CYRIB: variants seen among roughly 807,000 people sequenced by gnomAD.
CYRIB encodes CYFIP-related Rac1 interactor B.
A neutral mutation model predicts 44.2 loss-of-function variants in CYRIB; 8 were observed. That is an observed-to-expected ratio of 0.18 (90% CI 0.11 to 0.33). The LOEUF (loss-of-function observed/expected upper bound fraction) is 0.33, where lower values mean the gene tolerates loss of function less well. Ranked by LOEUF, CYRIB falls within the 10% of genes least tolerant of loss-of-function variation. The pLI is 1.00. For missense variants in CYRIB, 185 were observed against 382.8 expected (o/e 0.48, Z 4.31); for synonymous variants, 131 against 127.2 (o/e 1.03, Z -0.20).
chr8:129,977,683 C>T (rs915277157), intron 1 of CYRIB, among the ~76,000 whole-genome samples: 4 of 152,116 alleles, frequency 2.6e-5, no homozygotes, highest in Non-Finnish European at 4.4e-5. Flanking sequence ...AGGCGCCCGC[C>T]ACCACGCCCG....
chr8:129,932,617 C>A (rs995468657), intron 1 of CYRIB, among the ~76,000 whole-genome samples: 17 of 152,166 alleles, frequency 1.1e-4, no homozygotes, highest in Non-Finnish European at 4.4e-5. Context: ...ATCTTTAACA[C>A]AGGAGTTTCA....
intron 2 of CYRIB, among the ~76,000 whole-genome samples, chr8:129,886,611 T>C (rs1021508599): frequency 6.6e-6 from 1 of 152,126 alleles, no homozygotes. Context: ...CCCACTGCAA[T>C]GTGGCTTTTA....
At chr8:129,999,150 G>C (rs1055096263) in intron 1 of CYRIB, among the ~76,000 whole-genome samples, 9 of 152,124 alleles carry the variant, frequency 5.9e-5, no homozygotes, top group African/African-American at 2.2e-4. Flanking sequence ...GACGCAGGAG[G>C]GGCAGAGGAG....
intron 1 of CYRIB, among the ~76,000 whole-genome samples, chr8:129,993,273 A>C (rs893340307): frequency 1.3e-5 from 2 of 152,076 alleles, no homozygotes; most frequent in African/African-American, 4.8e-5. Flanking sequence ...CGTGCCTGTA[A>C]TCCCAGCTAC....
intron 4 of CYRIB, among the ~76,000 whole-genome samples, chr8:129,867,769 T>C (rs10956502): frequency 6.6e-6 from 1 of 152,122 alleles, no homozygotes; most frequent in Non-Finnish European, 1.5e-5. Context: ...TTTGCTACTA[T>C]GAATAAGGCG....
chr8:129,878,699 A>C (rs1189112874), intron 3 of CYRIB, among the ~76,000 whole-genome samples: 1 of 152,224 alleles, frequency 6.6e-6, no homozygotes, highest in East Asian at 1.9e-4. Flanking sequence ...ACATGCACCA[A>C]GGTCAATGAC....
chr8:129,868,961 G>C (rs1326979821), intron 4 of CYRIB, among the ~76,000 whole-genome samples: 7 of 149,138 alleles, frequency 4.7e-5, no homozygotes, highest in African/African-American at 7.4e-5. Context: ...ACTTTGGGAG[G>C]CTGAGGCGGG....
chr8:130,009,050 A>T (rs2097165444), intron 1 of CYRIB, among the ~76,000 whole-genome samples: 1 of 152,202 alleles, frequency 6.6e-6, no homozygotes, highest in Non-Finnish European at 1.5e-5. Context: ...TTCTGACCTA[A>T]GAGCCACAAC....
chr8:129,998,036 G>A (rs1374169971), intron 1 of CYRIB, among the ~76,000 whole-genome samples: 5 of 149,854 alleles, frequency 3.3e-5, no homozygotes, highest in African/African-American at 7.4e-5. Flanking sequence ...CAAGAGAATC[G>A]TCTGAACTCG....
chr8:130,004,761 AT>A (rs775327457), intron 1 of CYRIB, among the ~76,000 whole-genome samples: 1,291 of 123,886 alleles, frequency 0.01, 10 homozygotes, highest in African/African-American at 0.029. Context: ...ATTGTCAGGA[AT>A]TTTTTTTTTT....
At chr8:129,919,440 A>C (rs1459736190) in intron 1 of CYRIB, among the ~76,000 whole-genome samples, 1 of 152,252 alleles carries the variant, frequency 6.6e-6, no homozygotes, top group Non-Finnish European at 1.5e-5. Context: ...TGTAAAAACA[A>C]GATCTGCCCT....
At chr8:129,851,524 G>A (rs1032514996) in intron 8 of CYRIB, 4 of 152,412 alleles carry the variant, frequency 2.6e-5, no homozygotes, top group African/African-American at 9.7e-5. Context: ...AATTTAGGAT[G>A]ATGGCCAGGC....
chr8:129,859,821 G>A (rs1471178421), intron 5 of CYRIB, among the ~76,000 whole-genome samples: 1 of 152,136 alleles, frequency 6.6e-6, no homozygotes, highest in African/African-American at 2.4e-5. Flanking sequence ...TCTATATCTG[G>A]TATAACTATT....
chr8:129,929,299 G>T (rs1406296101), intron 1 of CYRIB, among the ~76,000 whole-genome samples: 1 of 152,072 alleles, frequency 6.6e-6, no homozygotes, highest in Non-Finnish European at 1.5e-5. Flanking sequence ...GAGGGAGAGG[G>T]AGAGGGAGAG....
chr8:129,938,327 G>A (rs1038504883), intron 1 of CYRIB, among the ~76,000 whole-genome samples: 4 of 152,136 alleles, frequency 2.6e-5, no homozygotes, highest in Non-Finnish European at 5.9e-5. Context: ...AAAATAATTT[G>A]CGATAGTAAG....
At chr8:129,984,068 T>C (rs78181168) in intron 1 of CYRIB, among the ~76,000 whole-genome samples, 1,928 of 152,306 alleles carry the variant, frequency 0.013, 36 homozygotes, top group African/African-American at 0.044. Context: ...TCCGTATTTT[T>C]CCTCTGAATG....
At chr8:129,978,275 A>G (rs1421276153) in intron 1 of CYRIB, among the ~76,000 whole-genome samples, 1 of 152,240 alleles carries the variant, frequency 6.6e-6, no homozygotes, top group Non-Finnish European at 1.5e-5. Flanking sequence ...GATTACCTGA[A>G]TAATAAAACT....
At chr8:129,884,911 T>C (rs920505058) in intron 2 of CYRIB, among the ~76,000 whole-genome samples, 4 of 152,334 alleles carry the variant, frequency 2.6e-5, no homozygotes, top group East Asian at 1.9e-4. Context: ...TGACAACTTA[T>C]CTGGAAAGGA....
At chr8:130,014,488 G>A (rs1029206683) in intron 1 of CYRIB, among the ~76,000 whole-genome samples, 1 of 152,164 alleles carries the variant, frequency 6.6e-6, no homozygotes, top group African/African-American at 2.4e-5. Context: ...CTGCTGCACA[G>A]AAGGGTCTGC....
Sources: allele counts gnomAD v4.1 joint callset (sites outside exome capture counted in the v4.1 genomes callset), GRCh38; gene constraint gnomAD v4.1.1; transcripts MANE v1.5; gene names NCBI Gene and HGNC (gene_info 2026-07-23, HGNC 2026-07-21).